Variants in KLHL5 observed in about 807,000 individuals in gnomAD.
The protein encoded by KLHL5 is kelch-like protein 5.
Under a neutral mutation model 77.7 loss-of-function variants are expected in KLHL5, and 48 were observed. That is an observed-to-expected ratio of 0.62 (90% confidence interval 0.49 to 0.79). The LOEUF (loss-of-function observed/expected upper bound fraction) is 0.79. KLHL5 is among the 30% of genes least tolerant of loss of function. KLHL5 has a pLI of 0.00. For synonymous variants in KLHL5, 260 were observed against 297.0 expected (o/e 0.88, Z 1.28); for missense variants, 723 against 859.7 (o/e 0.84, Z 1.99).
At chr4:39,115,734 T>TA (rs1722788917) in intron 10 of KLHL5, 1 of 1,136,952 alleles carries the variant, frequency 8.8e-7, no homozygotes, top group African/African-American at 1.6e-5. Context: ...AACCCATTGA[T>TA]ATCTGGGAGC....
chr4:39,131,537 A>G (rs1197333444), downstream of KLHL5, among the ~76,000 whole-genome samples: 1 of 152,184 alleles, frequency 6.6e-6, no homozygotes, highest in Non-Finnish European at 1.5e-5. Flanking sequence ...AACATAAAAT[A>G]TGTTATCTTT....
chr4:39,096,078 TTCA>T (rs1369940469), intron 5 of KLHL5, among the ~76,000 whole-genome samples: 1 of 151,982 alleles, frequency 6.6e-6, no homozygotes, highest in Non-Finnish European at 1.5e-5. Flanking sequence ...TGATCATATT[TTCA>T]TTTTATTTTT....
Position 39,082,110 on chromosome 4 carries a change from A to G in KLHL5, c.851A>G (p.Asp284Gly). The G allele has an allele frequency of 1.2e-6, 2 of 1,613,712 alleles. No individual in the cohort carries two copies. Among genetic ancestry groups the G allele is most frequent in the Non-Finnish European group, 1.7e-6 (2 of 1,179,866 alleles). Residue 284 changes from aspartate (D) to glycine (G), a missense_variant, in exon 4 of 11, where the codon GAT becomes GGT. By Grantham distance (94) the Asp-to-Gly change is moderately conservative. Around this residue, in one of 3 missense-constraint regions of KLHL5, gnomAD observed 288 missense variants for 400.3 expected, o/e 0.72. Transcript: ENST00000504108. ...TGTCTTGGAATTCGTTCTTTTGCTGATGCCCAAGGTTGTACAGATTTGCAT... is the reference window on the plus strand; with the variant it reads ...TGTCTTGGAATTCGTTCTTTTGCTGGTGCCCAAGGTTGTACAGATTTGCAT... ...SNCLGIRSFADAQGCTDLHKV... is the reference protein window; with the variant it reads ...SNCLGIRSFAGAQGCTDLHKV...
intron 2 of KLHL5, among the ~76,000 whole-genome samples, chr4:39,079,862 T>C (rs1198004979): frequency 6.6e-6 from 1 of 152,186 alleles, no homozygotes; most frequent in Non-Finnish European, 1.5e-5. Flanking sequence ...GGCAGTTTTC[T>C]GAAGAAGCAA....
downstream of KLHL5, among the ~76,000 whole-genome samples, chr4:39,131,744 C>T (rs887051826): frequency 6.6e-5 from 10 of 151,758 alleles, no homozygotes; most frequent in South Asian, 2.1e-4. Flanking sequence ...AAAAATTAGC[C>T]GGGTGTGGTG....
intron 5 of KLHL5, chr4:39,093,152 G>A (rs1195317932): frequency 2.2e-6 from 1 of 455,680 alleles, no homozygotes; most frequent in Non-Finnish European, 4.4e-6. Context: ...GTACCCCGAT[G>A]GTGGAATATT....
chr4:39,111,358 T>G (rs1722445478), intron 8 of KLHL5, among the ~76,000 whole-genome samples: 1 of 152,226 alleles, frequency 6.6e-6, no homozygotes, highest in Admixed American at 6.5e-5. Context: ...TAGTAAGTGG[T>G]AGAACCAGAA....
rs761725810 is a variant in KLHL5 at position 39,113,199 on chromosome 4, A to T, written c.1868A>T (p.Asn623Ile). The change falls in exon 9 of 11, where the codon AAC becomes ATC. Residue 623 changes from asparagine to isoleucine, a missense_variant. Asn to Ile is a moderately radical substitution (Grantham distance 149, BLOSUM62 -3). Transcript: ENST00000504108. ...AIGGHDAPASNLTSRLSDCVE... is the reference protein window; with the variant it reads ...AIGGHDAPASILTSRLSDCVE... ...GGGGGGCACGATGCTCCCGCATCCA[A>T]CTTGACTTCCAGACTCTCAGACTGT... 7.4e-6 allele frequency: 12 copies of T among 1,613,966 alleles called. No individual in the cohort carries two copies. The highest frequency in any genetic ancestry group is 1.0e-5 in the Non-Finnish European group (12 of 1,179,962).
At chr4:39,101,158 CTG>C (rs1721515647) in intron 6 of KLHL5, among the ~76,000 whole-genome samples, 2 of 58,530 alleles carry the variant, frequency 3.4e-5, no homozygotes, top group African/African-American at 1.2e-4. Flanking sequence ...CTACCTGAGA[CTG>C]TGTTTTAATA....
chr4:39,046,528 C>A (rs967245114), intron 1 of KLHL5, among the ~76,000 whole-genome samples: 1 of 152,132 alleles, frequency 6.6e-6, no homozygotes, highest in Non-Finnish European at 1.5e-5. Context: ...GCGAGCGGAT[C>A]GCTTGAGCTC....
intron 1 of KLHL5, among the ~76,000 whole-genome samples, chr4:39,065,550 C>T (rs577141938): frequency 9.9e-5 from 15 of 152,078 alleles, no homozygotes; most frequent in African/African-American, 3.4e-4. Context: ...GATGCTGTTT[C>T]ACCATGTTGG....
Position 39,115,254 on chromosome 4 carries a change from C to T in KLHL5, c.1997C>T (p.Ala666Val), listed in dbSNP as rs1722750391. ...GVCLLGDKLY[A>V]VGGYDGQAYL... is the part of the protein sequence containing the mutation. ...TGTTTACTTGGTGATAAGTTATATG[C>T]TGTTGGGGGGTATGATGGACAGGCA... Residue 666 changes from alanine to valine, a missense_variant, in exon 10 of 11, where the codon GCT becomes GTT. Coordinates refer to ENST00000504108, the MANE Select transcript of KLHL5 (RefSeq NM_015990.5). 1 of 1,613,878 alleles carries T rather than the reference C, an allele frequency of 6.2e-7. No individual in the cohort carries two copies. Among genetic ancestry groups the T allele is most frequent in the Non-Finnish European group, 8.5e-7 (1 of 1,179,946 alleles).
At chr4:39,109,555 TC>T (rs1458413647) in intron 8 of KLHL5, among the ~76,000 whole-genome samples, 1 of 151,968 alleles carries the variant, frequency 6.6e-6, no homozygotes, top group Admixed American at 6.6e-5. Flanking sequence ...CACCTTGGCC[TC>T]CCTAAGTGCT....
intron 6 of KLHL5, 25 bp from the exon 7 acceptor site, chr4:39,103,262 A>G: frequency 6.6e-7 from 1 of 1,519,128 alleles, no homozygotes; most frequent in Non-Finnish European, 9.0e-7. Flanking sequence ...TTCTATTTAC[A>G]TAACTTCTAT....
rs1302270900 is a variant in KLHL5 at position 39,093,431 on chromosome 4, A to G, written c.1114-3261A>G. 2.6e-5 allele frequency: 12 copies of G among 455,924 alleles called. No homozygotes were observed. The Admixed American group carries it at 2.8e-4, about 11-fold the overall frequency. The allele number at this position is 455,924 out of a possible 1,614,324, so 28.2% of individuals were successfully genotyped here. ...ACTGTTTTATGGTAATGGTTCCACA[A>G]CTTGGTAATTTACTACAAATCATTG... On this transcript the variant is annotated intron_variant, in intron 5 of 10. Transcript: ENST00000504108.
the KLHL5 span, chr4:39,135,185 G>A: frequency 2.0e-5 from 3 of 152,212 alleles, no homozygotes. Context: ...GCTGGCAGAA[G>A]ACATCCATGG....
Position 39,072,115 on chromosome 4 carries a change from G to A in KLHL5, c.384-3850G>A, listed in dbSNP as rs150110680. On this transcript the variant is annotated intron_variant, in intron 1 of 10. Transcript: ENST00000504108. ...TTTTAAATAAGAAGTATGAAATTTA[G>A]TTATAAAAAATGATGATGCCAGGGA... is the stretch of plus-strand genomic sequence containing the variant. Among the ~76,000 whole-genome samples, 27 of 152,158 alleles carry A rather than the reference G, an allele frequency of 1.8e-4. No homozygotes were observed. In the East Asian group the frequency reaches 4.8e-3, roughly 27 times the overall value.
chr4:39,086,904 C>CTTTTT lies in KLHL5; in HGVS notation c.1113+197_1113+201dup, dbSNP rs71643263. Among the ~76,000 whole-genome samples, 411 of 78,316 alleles carry CTTTTT rather than the reference C, an allele frequency of 5.2e-3. 7 individuals are homozygous for CTTTTT. The highest frequency in any genetic ancestry group is 6.8e-3 in the African/African-American group (131 of 19,314). The allele number at this position is 78,316 out of a possible 152,430, so 51.4% of individuals were successfully genotyped here. Reference sequence around the variant, plus strand: ...TAAATTGCTTCAATTAAGTAACATTCTTTTTTTTTTTTTTTTTTTTTTTTG... The same window carrying CTTTTT: ...TAAATTGCTTCAATTAAGTAACATTCTTTTTTTTTTTTTTTTTTTTTTTTTTTTTG... On this transcript the variant is annotated intron_variant, in intron 5 of 10. Coordinates refer to ENST00000504108, the MANE Select transcript of KLHL5 (RefSeq NM_015990.5).
chr4:39,090,984 A>AAT (rs1491058613), intron 5 of KLHL5, among the ~76,000 whole-genome samples: 1 of 83,612 alleles, frequency 1.2e-5, no homozygotes, highest in African/African-American at 4.8e-5. Context: ...GTCAGTTTTT[A>AAT]ATTTTTTTTT....
Sources: gnomAD v4.1 joint callset for allele counts (sites outside exome capture counted in the v4.1 genomes callset) on GRCh38, gnomAD v4.1.1 for gene constraint, gnomAD v4.1.1 regional missense constraint, MANE v1.5 for transcripts, NCBI Gene and HGNC (gene_info 2026-07-23, HGNC 2026-07-21) for gene names.